Variants in ACKR4 observed in about 807,000 individuals in gnomAD.
ACKR4 encodes atypical chemokine receptor 4, also known as C-C CKR-11.
In ACKR4, 2 loss-of-function variants were observed where a neutral mutation model predicts 8.5. The observed-to-expected ratio is 0.23, with a 90% CI of 0.10 to 0.74. The LOEUF (loss-of-function observed/expected upper bound fraction) is 0.74. ACKR4 is among the 30% of genes least tolerant of loss of function. The pLI, the probability that ACKR4 is intolerant of heterozygous loss-of-function variation, is 0.75. For missense variants in ACKR4, 167 were observed against 422.1 expected (o/e 0.40, Z 5.30); for synonymous variants, 67 against 145.0 (o/e 0.46, Z 3.86).
At chr3:132,598,980 G>A (rs1938443709) in intron 1 of ACKR4, among the ~76,000 whole-genome samples, 1 of 152,154 alleles carries the variant, frequency 6.6e-6, no homozygotes, top group African/African-American at 2.4e-5. Flanking sequence ...TTTTGAAAAG[G>A]AGGTATTGAG....
intron 1 of ACKR4, among the ~76,000 whole-genome samples, chr3:132,599,807 AAGG>A (rs1938486834): frequency 6.6e-6 from 1 of 152,148 alleles, no homozygotes; most frequent in South Asian, 2.1e-4. Flanking sequence ...AAGTTGGCTA[AAGG>A]AGATCTTGTT....
In ACKR4 at chr3:132,601,717, C is replaced by T; in HGVS notation, c.*267C>T. 4 of 446,344 alleles carry T rather than the reference C, an allele frequency of 9.0e-6. No homozygotes were observed. The highest frequency in any genetic ancestry group is 8.6e-5 in the South Asian group (4 of 46,460). The allele number at this position is 446,344 out of a possible 1,614,324, so 27.6% of individuals were successfully genotyped here. On this transcript the variant is annotated 3_prime_UTR_variant, in exon 2 of 2. Transcript: ENST00000249887. ...AACACTCTGCTGTAACGAAGAAGAG[C>T]TTTGTGGTGATAATTTTGTATCTTG... is the stretch of plus-strand genomic sequence containing the variant.
In ACKR4 at chr3:132,600,868, C is replaced by A. The variant is rs1196869665; in HGVS notation, c.471C>A (p.Ile157=). ...GAGTGGGAAAACCATGCTGGATCAT[C>A]TGTTTCTGTGTCTGGATGGCTGCCA... ...QSGVGKPCWI[I]CFCVWMAAIL... is the part of the protein sequence containing the mutation. The change falls in exon 2 of 2, where the codon ATC becomes ATA. Residue 157 remains isoleucine (I), a synonymous_variant. Transcript: ENST00000249887. 1 of 1,613,942 alleles carries A rather than the reference C, an allele frequency of 6.2e-7. No individual in the cohort carries two copies. The highest frequency in any genetic ancestry group is 1.7e-5 in the Admixed American group (1 of 60,014).
In ACKR4 at chr3:132,600,384, T is replaced by C. The variant is rs769901948; in HGVS notation, c.-9-5T>C. On this transcript the variant is annotated splice_polypyrimidine_tract_variant and splice_region_variant and intron_variant, in intron 1 of 1. Transcript: ENST00000249887. Reference sequence around the variant, plus strand: ...TATCTATCCTGTATTCTCTTTGCCATCTAGATTGGAGCCATGGCTTTGGAA... The same window carrying C: ...TATCTATCCTGTATTCTCTTTGCCACCTAGATTGGAGCCATGGCTTTGGAA... 6.4e-7 allele frequency: 1 copy of C among 1,566,954 alleles called. No individual in the cohort carries two copies. Among genetic ancestry groups the C allele is most frequent in the Middle Eastern group, 1.7e-4 (1 of 5,798 alleles).
rs1205139534 is a variant in ACKR4, at chr3:132,600,821, A to C, written c.424A>C (p.Thr142Pro). Residue 142 changes from threonine to proline, a missense_variant, in exon 2 of 2, where the codon ACT (threonine) becomes CCT (proline). By Grantham distance (38) the Thr-to-Pro change is conservative. Around this residue, in one of 2 missense-constraint regions of ACKR4, gnomAD observed 149 missense variants for 281.9 expected, o/e 0.53. Coordinates refer to ENST00000249887, the MANE Select transcript of ACKR4 (RefSeq NM_016557.4). ...CAGCATAGACAGATATGTGGCAGTA[A>C]CTAAAGTCCCCAGCCAATCAGGAGT... ...CISIDRYVAV[T>P]KVPSQSGVGK... 2 of 1,613,932 alleles carry C rather than the reference A, an allele frequency of 1.2e-6. No individual in the cohort carries two copies. The highest frequency in any genetic ancestry group is 1.7e-6 in the Non-Finnish European group (2 of 1,179,886).
At chr3:132,599,187 C>CAATA (rs1171521448) in intron 1 of ACKR4, among the ~76,000 whole-genome samples, 3 of 151,460 alleles carry the variant, frequency 2.0e-5, no homozygotes, top group Non-Finnish European at 2.9e-5. Flanking sequence ...ATAACCTGGT[C>CAATA]AATAAATAAA....
At position 132,601,925 on chromosome 3, in the gene ACKR4, G is replaced by A. The variant is rs1431037386; in HGVS notation, c.*475G>A. 1 of 174,738 alleles carries A rather than the reference G, an allele frequency of 5.7e-6. No individual in the cohort carries two copies. Among genetic ancestry groups the A allele is most frequent in the East Asian group, 1.9e-4 (1 of 5,222 alleles). 10.8% of individuals were successfully genotyped at this position (174,738 alleles called of 1,614,324 possible). A position where few individuals can be genotyped will look rare whatever the true frequency, so the allele number is the denominator to read the frequency against. ...CTCTGTACCATCTTTGTAACTTCCT[G>A]TGAATTTATAATAATTTCAAAATAA... On this transcript the variant is annotated 3_prime_UTR_variant, in exon 2 of 2. Coordinates refer to ENST00000249887, the MANE Select transcript of ACKR4 (RefSeq NM_016557.4).
At chr3:132,599,514 A>T (rs1029049478) in intron 1 of ACKR4, among the ~76,000 whole-genome samples, 2 of 152,088 alleles carry the variant, frequency 1.3e-5, no homozygotes, top group African/African-American at 2.4e-5. Flanking sequence ...TCAAAAAAAA[A>T]ATTAAATATT....
At chr3:132,599,953 C>T (rs937477387) in intron 1 of ACKR4, among the ~76,000 whole-genome samples, 13 of 151,942 alleles carry the variant, frequency 8.6e-5, no homozygotes, top group Admixed American at 3.3e-4. Flanking sequence ...TTGCTATTTT[C>T]GTTTTTATTC....
chr3:132,600,741 C>T lies in ACKR4; in HGVS notation c.344C>T (p.Thr115Ile). Residue 115 changes from threonine (T) to isoleucine (I), a missense_variant, in exon 2 of 2, where the codon ACT becomes ATT. This residue lies in a region of ACKR4 where 149 missense variants were observed against 281.9 expected (regional missense o/e 0.53). Coordinates refer to ENST00000249887, the MANE Select transcript of ACKR4 (RefSeq NM_016557.4). ...WVLGKIMCKI[T>I]SALYTLNFVS... The stretch of plus-strand genomic sequence containing the variant: ...TTAGGGAAAATAATGTGCAAAATAA[C>T]TTCAGCCTTGTACACACTAAACTTT... 2 of 1,613,990 alleles carry T rather than the reference C, an allele frequency of 1.2e-6. No homozygotes were observed. The highest frequency in any genetic ancestry group is 2.2e-5 in the East Asian group (1 of 44,882).
intron 1 of ACKR4, among the ~76,000 whole-genome samples, chr3:132,598,583 T>G (rs1266670023): frequency 6.6e-6 from 1 of 152,236 alleles, no homozygotes; most frequent in Non-Finnish European, 1.5e-5. Flanking sequence ...ATGTAGAGAT[T>G]GCTAATACAT....
rs139827468 is a variant in ACKR4 at position 132,600,475 on chromosome 3, A to G, written c.78A>G (p.Gln26=). ...TGAATGGCACTTATGACTACAGTCAATATGAACTGATCTGTATCAAAGAAG... is the reference window on the plus strand; with the variant it reads ...TGAATGGCACTTATGACTACAGTCAGTATGAACTGATCTGTATCAAAGAAG... ...NEMNGTYDYS[Q]YELICIKEDV... Residue 26 remains glutamine (Q), a synonymous_variant, in exon 2 of 2, where the codon CAA becomes CAG. Transcript: ENST00000249887. The G allele has an allele frequency of 1.9e-5, 31 of 1,613,784 alleles. No homozygotes were observed. The African/African-American group carries it at 2.8e-4, about 15-fold the overall frequency.
intron 1 of ACKR4, among the ~76,000 whole-genome samples, chr3:132,599,072 C>T (rs745906059): frequency 3.9e-5 from 6 of 152,082 alleles, no homozygotes; most frequent in Admixed American, 3.3e-4. Context: ...CAACTCTTTG[C>T]GAGGCCAAGG....
At chr3:132,597,472 C>T (rs1373491734) in intron 1 of ACKR4, 149 bp downstream of exon 1, 1 of 150,564 alleles carries the variant, frequency 6.6e-6, no homozygotes, top group African/African-American at 2.4e-5. Flanking sequence ...TTGAAAATAG[C>T]TGTACAGTTT....
At position 132,601,635 on chromosome 3, in the gene ACKR4, A is replaced by AATTTCATGTACAATGT; in HGVS notation, c.*186_*187insTTTCATGTACAATGTA. The stretch of plus-strand genomic sequence containing the variant: ...AGGAAACAAGATAATAAATGTACAA[A>AATTTCATGTACAATGT]ACATGAAAATTAAAATGAACAATAT... On this transcript the variant is annotated 3_prime_UTR_variant, in exon 2 of 2. Transcript: ENST00000249887. 1 of 534,478 alleles carries AATTTCATGTACAATGT rather than the reference A, an allele frequency of 1.9e-6. No homozygotes were observed. Among genetic ancestry groups the AATTTCATGTACAATGT allele is most frequent in the Admixed American group, 3.2e-5 (1 of 31,008 alleles). The allele number at this position is 534,478 out of a possible 1,614,324, so 33.1% of individuals were successfully genotyped here.
rs1938662038 is a variant in ACKR4, at chr3:132,602,626, C to T, written c.*1176C>T. 6.6e-6 allele frequency among the ~76,000 whole-genome samples: 1 copy of T among 152,048 alleles called. No homozygotes were observed. Among genetic ancestry groups the T allele is most frequent in the Non-Finnish European group, 1.5e-5 (1 of 68,006 alleles). ...TCCTACTAAAATTAAATTTTGCTAG[C>T]AATTACATTGGTCAAAAATAGTATG... On this transcript the variant is annotated 3_prime_UTR_variant, in exon 2 of 2. Coordinates refer to ENST00000249887, the MANE Select transcript of ACKR4 (RefSeq NM_016557.4).
At chr3:132,598,690 G>A (rs560919084) in intron 1 of ACKR4, among the ~76,000 whole-genome samples, 1 of 152,340 alleles carries the variant, frequency 6.6e-6, no homozygotes, top group African/African-American at 2.4e-5. Flanking sequence ...TAAAGGAACA[G>A]AATGAGCAAT....
Position 132,600,464 on chromosome 3 carries a change from G to T in ACKR4, c.67G>T (p.Asp23Tyr), listed in dbSNP as rs758894103. 19 of 1,613,308 alleles carry T rather than the reference G, an allele frequency of 1.2e-5. No individual in the cohort carries two copies. Among genetic ancestry groups the T allele is most frequent in the Non-Finnish European group, 1.4e-5 (16 of 1,179,646 alleles). The change falls in exon 2 of 2, where the codon GAC (aspartate) becomes TAC (tyrosine). Residue 23 changes from aspartate (D) to tyrosine (Y), a missense_variant. Asp to Tyr is a radical substitution (Grantham distance 160). Around this residue, in one of 2 missense-constraint regions of ACKR4, gnomAD observed 149 missense variants for 281.9 expected, o/e 0.53. Transcript: ENST00000249887. ...GGAAAATGAAATGAATGGCACTTAT[G>T]ACTACAGTCAATATGAACTGATCTG... ...YEENEMNGTY[D>Y]YSQYELICIK... is the part of the protein sequence containing the mutation.
intron 1 of ACKR4, among the ~76,000 whole-genome samples, chr3:132,598,624 C>T (rs1361664596): frequency 2.0e-5 from 3 of 152,074 alleles, no homozygotes; most frequent in Non-Finnish European, 2.9e-5. Flanking sequence ...GTCGCATCCG[C>T]GTTTATTGAG....
Sources: gnomAD v4.1 joint callset for allele counts (sites outside exome capture counted in the v4.1 genomes callset) on GRCh38, gnomAD v4.1.1 for gene constraint, gnomAD v4.1.1 regional missense constraint, MANE v1.5 for transcripts, NCBI Gene and HGNC (gene_info 2026-07-23, HGNC 2026-07-21) for gene names.